KIAA1217: variants seen among roughly 807,000 people sequenced by gnomAD.
The protein encoded by KIAA1217 is sickle tail protein homolog.
KIAA1217 carries 88 observed loss-of-function variants against 163.9 expected under a neutral mutation model. The observed-to-expected ratio is 0.54, with a 90% CI of 0.45 to 0.64. The LOEUF (loss-of-function observed/expected upper bound fraction) is 0.64. Ranked by LOEUF, KIAA1217 falls within the 30% of genes least tolerant of loss-of-function variation. The pLI, the probability that KIAA1217 is intolerant of heterozygous loss-of-function variation, is 0.00. For synonymous variants in KIAA1217, 903 were observed against 923.1 expected (o/e 0.98, Z 0.39); for missense variants, 2,372 against 2,475.0 (o/e 0.96, Z 0.88).
rs71397938 is a variant in KIAA1217, at chr10:24,234,656, C to CAAAAAA, written c.354+14765_354+14770dup. Among the ~76,000 whole-genome samples, 20 of 73,354 alleles carry CAAAAAA rather than the reference C, an allele frequency of 2.7e-4. 1 individual carries two copies. In the East Asian group the frequency reaches 3.9e-3, roughly 14 times the overall value. The allele number at this position is 73,354 out of a possible 152,430, so 48.1% of individuals were successfully genotyped here. ...CCTGGGTGACAGAGCAAAACTGTCT[C>CAAAAAA]AAAAAAAAAAAAAAAAAAAAAAAGA... On this transcript the variant is annotated intron_variant, in intron 2 of 20. Transcript: ENST00000376454.
intron 2 of KIAA1217, chr10:24,368,802 G>C (rs1199938777): frequency 2.1e-6 from 2 of 974,160 alleles, no homozygotes; most frequent in East Asian, 2.3e-4. Flanking sequence ...AGGAAGCTGA[G>C]CCATCTAGAA....
In KIAA1217 at chr10:23,869,124, G is replaced by GTTTTTTTTTTTTTTTTTT. The variant is rs58288361; in HGVS notation, c.-320-138088_-320-138071dup. ...GTGTAACGTGCAATCATGAAATGTA[G>GTTTTTTTTTTTTTTTTTT]TTTTTTTTTTTTTTTTTTTTTTTTT... On this transcript the variant is annotated intron_variant, in intron 1 of 18. Transcript: ENST00000376462. Among the ~76,000 whole-genome samples, 5 of 31,724 alleles carry GTTTTTTTTTTTTTTTTTT rather than the reference G, an allele frequency of 1.6e-4. 1 individual carries two copies. The highest frequency in any genetic ancestry group is 6.0e-4 in the African/African-American group (5 of 8,288). 20.8% of individuals were successfully genotyped at this position (31,724 alleles called of 152,430 possible). A position where few individuals can be genotyped will look rare whatever the true frequency, so the allele number is the denominator to read the frequency against.
At chr10:24,140,751 G>C (rs111443526) in intron 2 of KIAA1217, among the ~76,000 whole-genome samples, 1,902 of 152,306 alleles carry the variant, frequency 0.012, 34 homozygotes, top group African/African-American at 0.042. Context: ...TGGGGCTGCT[G>C]TATATAAATT....
chr10:24,427,386 A>T (rs1554861233), intron 3 of KIAA1217, among the ~76,000 whole-genome samples: 1 of 152,212 alleles, frequency 6.6e-6, no homozygotes, highest in Non-Finnish European at 1.5e-5. Flanking sequence ...GGATGCTTGC[A>T]GGAGATGGAC....
chr10:24,509,112 A>G (rs143280955), intron 9 of KIAA1217, among the ~76,000 whole-genome samples: 1 of 152,194 alleles, frequency 6.6e-6, no homozygotes, highest in Admixed American at 6.5e-5. Flanking sequence ...GCAAAAACCA[A>G]CTTAACAATT....
chr10:24,150,196 T>C (rs2095785040), intron 2 of KIAA1217, among the ~76,000 whole-genome samples: 1 of 152,066 alleles, frequency 6.6e-6, no homozygotes, highest in South Asian at 2.1e-4. Flanking sequence ...TTTGTATTTT[T>C]AGTAGCGATG....
chr10:23,821,317 A>C (rs1201908484), intron 1 of KIAA1217, among the ~76,000 whole-genome samples: 1 of 152,164 alleles, frequency 6.6e-6, no homozygotes, highest in Admixed American at 6.5e-5. Flanking sequence ...ATGGTTCCTA[A>C]GCACTGATTT....
Position 24,165,077 on chromosome 10 carries a change from G to A in KIAA1217, c.-170-54549G>A, listed in dbSNP as rs528615518. ...CAGCTTTGTTAACCTGGGGAAAAGCGAATAAGAGAAAAATGGCAGAGTAAA... is the reference window on the plus strand; with the variant it reads ...CAGCTTTGTTAACCTGGGGAAAAGCAAATAAGAGAAAAATGGCAGAGTAAA... On this transcript the variant is annotated intron_variant, in intron 2 of 18. Coordinates refer to the KIAA1217 transcript ENST00000376462. Among the ~76,000 whole-genome samples the A allele has an allele frequency of 1.4e-4, 21 of 152,268 alleles. No individual in the cohort carries two copies. The South Asian group carries it at 2.9e-3, about 21-fold the overall frequency.
At chr10:24,372,689 T>C (rs1186265872) in intron 2 of KIAA1217, among the ~76,000 whole-genome samples, 2 of 152,160 alleles carry the variant, frequency 1.3e-5, no homozygotes, top group African/African-American at 4.8e-5. Flanking sequence ...AATCCCACCA[T>C]CAAAAGAAAA....
At chr10:24,141,331 G>C (rs1331677613) in intron 2 of KIAA1217, among the ~76,000 whole-genome samples, 1 of 148,864 alleles carries the variant, frequency 6.7e-6, no homozygotes, top group Non-Finnish European at 1.5e-5. Flanking sequence ...TAAGAACCTG[G>C]GGCAAGTGCC....
intron 17 of KIAA1217, 29 bp downstream of exon 17, chr10:24,536,922 C>T (rs760017996): frequency 2.4e-5 from 39 of 1,611,212 alleles, no homozygotes; most frequent in Middle Eastern, 1.7e-4. Context: ...ATTTGCCACA[C>T]GGTTGGGAGT....
chr10:23,872,201 T>A (rs1450366437), intron 1 of KIAA1217, among the ~76,000 whole-genome samples: 1 of 151,994 alleles, frequency 6.6e-6, no homozygotes, highest in Non-Finnish European at 1.5e-5. Flanking sequence ...TATAGAAAAG[T>A]GAACGTCATC....
intron 2 of KIAA1217, among the ~76,000 whole-genome samples, chr10:24,068,335 T>C (rs188414774): frequency 1.3e-5 from 2 of 152,342 alleles, no homozygotes; most frequent in East Asian, 1.9e-4. Flanking sequence ...GTTTGGTTTT[T>C]TCCTTAATTT....
At chr10:24,036,002 A>T (rs1325802242) in intron 2 of KIAA1217, among the ~76,000 whole-genome samples, 1 of 152,210 alleles carries the variant, frequency 6.6e-6, no homozygotes, top group Non-Finnish European at 1.5e-5. Flanking sequence ...AGAAGTGCGC[A>T]TTACCAGGTA....
At chr10:24,496,188 G>A (rs1359025709) in intron 8 of KIAA1217, among the ~76,000 whole-genome samples, 2 of 152,242 alleles carry the variant, frequency 1.3e-5, no homozygotes, top group African/African-American at 4.8e-5. Flanking sequence ...TCTGTTGGTC[G>A]TGGTTCTTCT....
intron 1 of KIAA1217, among the ~76,000 whole-genome samples, chr10:24,213,542 AT>A (rs975225700): frequency 2.8e-5 from 4 of 142,884 alleles, no homozygotes; most frequent in African/African-American, 1.1e-4. Context: ...GTTACATGAC[AT>A]TTAGAGTCTA....
At chr10:23,701,112 G>A (rs986352012) in intron 1 of KIAA1217, among the ~76,000 whole-genome samples, 3 of 152,124 alleles carry the variant, frequency 2.0e-5, no homozygotes, top group East Asian at 1.9e-4. Flanking sequence ...CTTGGTACAT[G>A]TTTATTTAGT....
chr10:23,738,428 C>T (rs1436199283), intron 1 of KIAA1217, among the ~76,000 whole-genome samples: 1 of 152,054 alleles, frequency 6.6e-6, no homozygotes, highest in Non-Finnish European at 1.5e-5. Context: ...TTCACATTGT[C>T]ATTTATTTGG....
intron 2 of KIAA1217, among the ~76,000 whole-genome samples, chr10:24,143,296 G>A (rs954256299): frequency 2.6e-5 from 4 of 152,014 alleles, no homozygotes; most frequent in African/African-American, 7.2e-5. Flanking sequence ...ATGGAGTCTC[G>A]CTCCGTTGTC....
Sources: gnomAD v4.1 joint callset for allele counts (sites outside exome capture counted in the v4.1 genomes callset) on GRCh38, gnomAD v4.1.1 for gene constraint, MANE v1.5 for transcripts, NCBI Gene and HGNC (gene_info 2026-07-23, HGNC 2026-07-21) for gene names.